Variants in ADAMTS13 observed in about 807,000 individuals in gnomAD.
ADAMTS13 encodes the protein ADAM metallopeptidase with thrombospondin type 1 motif 13, also known as A disintegrin and metalloproteinase with thrombospondin motifs 13.
A neutral mutation model predicts 155.1 loss-of-function variants in ADAMTS13; 110 were observed. The ratio of observed to expected loss-of-function variants is 0.71; its 90% CI spans 0.61 to 0.83. ADAMTS13 has a LOEUF of 0.83. ADAMTS13 is among the 40% of genes least tolerant of loss of function. The pLI is 0.00. For synonymous variants in ADAMTS13, 758 were observed against 756.4 expected, an observed-to-expected ratio of 1.00 and a Z score of -0.03; for missense variants, 1,707 against 1,891.7, an observed-to-expected ratio of 0.90 and a Z score of 1.81.
chr9:133,459,125 C>T lies in ADAMTS13; in HGVS notation c.4061C>T (p.Ser1354Leu). 6.2e-7 allele frequency: 1 copy of T among 1,612,842 alleles called. No individual in the cohort carries two copies. Among genetic ancestry groups the T allele is most frequent in the Non-Finnish European group, 8.5e-7 (1 of 1,179,872 alleles). Residue 1354 changes from serine to leucine, a missense_variant, in exon 29 of 29, where the codon TCA becomes TTA. Coordinates refer to ENST00000355699, the MANE Select transcript of ADAMTS13 (RefSeq NM_139027.6). Reference sequence around the variant, plus strand: ...CGGGGCCAGTACTGGACCCTCCAATCATGGGTACCGGAGATGCAGGACCCT... The same window carrying T: ...CGGGGCCAGTACTGGACCCTCCAATTATGGGTACCGGAGATGCAGGACCCT... Reference protein sequence around the residue: ...SLRGQYWTLQSWVPEMQDPQS... With the variant: ...SLRGQYWTLQLWVPEMQDPQS...
In ADAMTS13 at chr9:133,426,272, A is replaced by T. The variant is rs781874381; in HGVS notation, c.613A>T (p.Thr205Ser). ...VTQLGGACSP[T>S]WSCLITEDTG... ...CCAGCTGGGCGGTGCCTGCTCCCCA[A>T]CCTGGAGCTGCCTCATTACCGAGGA... The change falls in exon 6 of 29, where the codon ACC becomes TCC. Residue 205 changes from threonine (T) to serine (S), a missense_variant. Physicochemically the swap from Thr to Ser is moderately conservative, Grantham distance 58. Transcript: ENST00000355699. The T allele has an allele frequency of 1.2e-6, 2 of 1,611,442 alleles. No homozygotes were observed. Among genetic ancestry groups the T allele is most frequent in the African/African-American group, 1.3e-5 (1 of 74,938 alleles).
At chr9:133,447,911 A>G (rs1842176038) in intron 21 of ADAMTS13, among the ~76,000 whole-genome samples, 2 of 152,194 alleles carry the variant, frequency 1.3e-5, no homozygotes, top group Non-Finnish European at 2.9e-5. Context: ...GGATATTCCT[A>G]AAAGAGAGAC....
rs1478915743 is a variant in ADAMTS13, at chr9:133,445,407, G to C, written c.2611-292G>C. On this transcript the variant is annotated intron_variant, in intron 20 of 28. Transcript: ENST00000355699. This position sits in a 1 kb window ranked among gnomAD's most constrained non-coding sequence, Gnocchi z 5.0. Reference sequence around the variant, plus strand: ...CTGGCAACCCTCGCCCCTCATGGCTGGGGGGATTGCAGGGCCAGGCATGCT... The same window carrying C: ...CTGGCAACCCTCGCCCCTCATGGCTCGGGGGATTGCAGGGCCAGGCATGCT... Among the ~76,000 whole-genome samples, 1 of 152,182 alleles carries C rather than the reference G, an allele frequency of 6.6e-6. No individual in the cohort carries two copies. The highest frequency in any genetic ancestry group is 1.5e-5 in the Non-Finnish European group (1 of 68,004).
At position 133,437,869 on chromosome 9, in the gene ADAMTS13, T is replaced by C; in HGVS notation, c.1556T>C (p.Leu519Pro). The change falls in exon 13 of 29, where the codon CTG becomes CCG. Residue 519 changes from leucine to proline, a missense_variant. Physicochemically the swap from Leu to Pro is moderately conservative, Grantham distance 98. Around this residue, in one of 3 missense-constraint regions of ADAMTS13, gnomAD observed 733 missense variants for 749.6 expected, o/e 0.98. Transcript: ENST00000355699. ...AGTGGCCCCCGGGAGGACGGGACCCTGAGCCTGTGTGTGTCGGGCAGCTGC... is the reference window on the plus strand; with the variant it reads ...AGTGGCCCCCGGGAGGACGGGACCCCGAGCCTGTGTGTGTCGGGCAGCTGC... ...MPSGPREDGT[L>P]SLCVSGSCRT... 6.2e-7 allele frequency: 1 copy of C among 1,613,758 alleles called. No homozygotes were observed. The highest frequency in any genetic ancestry group is 8.5e-7 in the Non-Finnish European group (1 of 1,179,952).
chr9:133,435,191 C>CTT (rs1415886784), intron 11 of ADAMTS13, among the ~76,000 whole-genome samples: 7 of 138,882 alleles, frequency 5.0e-5, no homozygotes, highest in East Asian at 2.1e-4. Flanking sequence ...TTTTTTTTTT[C>CTT]TTTTTTTTTT....
chr9:133,425,889 C>A lies in ADAMTS13; in HGVS notation c.415-49C>A. 6.2e-7 allele frequency: 1 copy of A among 1,610,654 alleles called. No homozygotes were observed. The highest frequency in any genetic ancestry group is 1.1e-5 in the South Asian group (1 of 90,844). ...GAAACAAACCGACCGCAGTCAGCAC[C>A]GTGCCTGGTTGGGGTGTCCTAAATG... On this transcript the variant is annotated intron_variant, in intron 4 of 28. Transcript: ENST00000355699. This position sits in a 1 kb window ranked among gnomAD's most constrained non-coding sequence, Gnocchi z 4.6.
At chr9:133,457,312 G>C (rs1249576083) in intron 27 of ADAMTS13, among the ~76,000 whole-genome samples, 1 of 152,208 alleles carries the variant, frequency 6.6e-6, no homozygotes, top group Non-Finnish European at 1.5e-5. Context: ...CCAGGTGTCT[G>C]GGGCTTAGTG....
At position 133,456,704 on chromosome 9, in the gene ADAMTS13, G is replaced by C; in HGVS notation, c.3709G>C (p.Glu1237Gln). ...GCGGTATGGGAGCCAGCTTGCTCCT[G>C]AAACCTTCTACAGAGGTATGGCCAG... The part of the protein sequence containing the change: ...LLRYGSQLAP[E>Q]TFYRECDMQL... The change falls in exon 27 of 29, where the codon GAA becomes CAA. Residue 1237 changes from glutamate (E) to glutamine (Q), a missense_variant. Physicochemically the swap from Glu to Gln is conservative, Grantham distance 29. This residue lies in a region of ADAMTS13 where 961 missense variants were observed against 1,107.9 expected (regional missense o/e 0.87). Coordinates refer to ENST00000355699, the MANE Select transcript of ADAMTS13 (RefSeq NM_139027.6). The surrounding 1 kb of genome is among the most constrained non-coding windows in gnomAD (Gnocchi z 4.4). 1 of 1,569,754 alleles carries C rather than the reference G, an allele frequency of 6.4e-7. No homozygotes were observed. The highest frequency in any genetic ancestry group is 8.6e-7 in the Non-Finnish European group (1 of 1,156,454).
intron 27 of ADAMTS13, among the ~76,000 whole-genome samples, chr9:133,457,295 G>A (rs371379949): frequency 2.0e-5 from 3 of 152,182 alleles, no homozygotes; most frequent in Non-Finnish European, 4.4e-5. Context: ...GAGGTTCCTC[G>A]GCTCCCCCAG....
In ADAMTS13 at chr9:133,445,060, C is replaced by T; in HGVS notation, c.2610+8C>T. The T allele has an allele frequency of 1.9e-6, 3 of 1,611,764 alleles. No homozygotes were observed. The highest frequency in any genetic ancestry group is 1.7e-5 in the Admixed American group (1 of 59,942). ...CCTCCAGGCTGGGGCCATGTGAGTGCCCTGGGCATGAGGGTGGCTGGGGCT... is the reference window on the plus strand; with the variant it reads ...CCTCCAGGCTGGGGCCATGTGAGTGTCCTGGGCATGAGGGTGGCTGGGGCT... On this transcript the variant is annotated splice_region_variant and intron_variant, in intron 20 of 28. Transcript: ENST00000355699. This position sits in a 1 kb window ranked among gnomAD's most constrained non-coding sequence, Gnocchi z 5.0.
chr9:133,430,002 G>A lies in ADAMTS13; in HGVS notation c.888G>A (p.Pro296=), dbSNP rs372413496. ...CTCAACCCGGGTCCGCGGGGCACCC[G>A]CCGGATGCGCAGCCTGGCCTCTACT... ...PRPQPGSAGH[P]PDAQPGLYYS... is the part of the protein sequence containing the mutation. Residue 296 remains proline (P), a synonymous_variant, in exon 8 of 29, where the codon CCG becomes CCA. Coordinates refer to ENST00000355699, the MANE Select transcript of ADAMTS13 (RefSeq NM_139027.6). The A allele has an allele frequency of 7.5e-5, 118 of 1,569,424 alleles. No homozygotes were observed. Among genetic ancestry groups the A allele is most frequent in the Non-Finnish European group, 9.5e-5 (110 of 1,162,740 alleles).
intron 1 of ADAMTS13, among the ~76,000 whole-genome samples, 167 bp from the exon 2 acceptor site, chr9:133,422,934 C>CTTTTTT (rs71281254): frequency 4.3e-5 from 4 of 93,236 alleles, no homozygotes; most frequent in Admixed American, 1.2e-4. Context: ...CTCTCTCTCT[C>CTTTTTT]TTTTTTTTTT....
At chr9:133,423,545 C>T (rs1554784161) in intron 2 of ADAMTS13, among the ~76,000 whole-genome samples, 1 of 152,198 alleles carries the variant, frequency 6.6e-6, no homozygotes, top group Non-Finnish European at 1.5e-5. Flanking sequence ...CTCAGGCTAC[C>T]TCCTAAGGCC....
chr9:133,424,866 G>C lies in ADAMTS13; in HGVS notation c.330+388G>C, dbSNP rs968436789. Among the ~76,000 whole-genome samples, 4 of 152,218 alleles carry C rather than the reference G, an allele frequency of 2.6e-5. No homozygotes were observed. The highest frequency in any genetic ancestry group is 9.6e-5 in the African/African-American group (4 of 41,452). On this transcript the variant is annotated intron_variant, in intron 3 of 28. Coordinates refer to ENST00000355699, the MANE Select transcript of ADAMTS13 (RefSeq NM_139027.6). This position sits in a 1 kb window ranked among gnomAD's most constrained non-coding sequence, Gnocchi z 4.3. The stretch of plus-strand genomic sequence containing the variant: ...TCTCCATTCTCTTGTCCCCCGCTCA[G>C]AGTGGCGAGGACAGGTCACCCGTCT...
intron 21 of ADAMTS13, among the ~76,000 whole-genome samples, chr9:133,446,977 C>T (rs1842104887): frequency 6.6e-6 from 1 of 152,154 alleles, no homozygotes; most frequent in Admixed American, 6.5e-5. Context: ...CGTGCTTCAG[C>T]CTCCCGAGTA....
At chr9:133,448,829 T>A in intron 22 of ADAMTS13, 101 bp downstream of exon 22, 1 of 1,505,536 alleles carries the variant, frequency 6.6e-7, no homozygotes, top group Non-Finnish European at 8.9e-7. Flanking sequence ...GGGCAGGTGC[T>A]GCTGGCTGTG....
Position 133,440,505 on chromosome 9 carries a change from C to G in ADAMTS13, c.1948C>G (p.Gln650Glu). 5 of 1,607,484 alleles carry G rather than the reference C, an allele frequency of 3.1e-6. No homozygotes were observed. The South Asian group carries it at 5.5e-5, about 18-fold the overall frequency. Residue 650 changes from glutamine to glutamate, a missense_variant, in exon 16 of 29, where the codon CAG becomes GAG. Around this residue, in one of 3 missense-constraint regions of ADAMTS13, gnomAD observed 961 missense variants for 1,107.9 expected, o/e 0.87. Coordinates refer to ENST00000355699, the MANE Select transcript of ADAMTS13 (RefSeq NM_139027.6). The surrounding 1 kb of genome is among the most constrained non-coding windows in gnomAD (Gnocchi z 4.3). ...LEEIRIWGPL[Q>E]EDADIQVYRR... ...GGAGATCCGCATCTGGGGACCCCTC[C>G]AGGAAGATGCTGACATCCAGGTCAG...
intron 6 of ADAMTS13, among the ~76,000 whole-genome samples, chr9:133,427,927 CATGGCAATGGCAAACTGGT>C (rs1334059982): frequency 1.3e-5 from 2 of 152,224 alleles, no homozygotes; most frequent in Non-Finnish European, 2.9e-5. Context: ...TGGGTTTTGC[CATGGCAATGGCAAACTGGT>C]ATGGCACACT....
At chr9:133,415,094 T>TATAC in intron 1 of ADAMTS13, 1 of 906,198 alleles carries the variant, frequency 1.1e-6, no homozygotes, top group Non-Finnish European at 1.7e-6. Flanking sequence ...TGTGTATGTA[T>TATAC]ATACACACAT....
Sources: allele counts gnomAD v4.1 joint callset (sites outside exome capture counted in the v4.1 genomes callset), GRCh38; gene constraint gnomAD v4.1.1; regional missense constraint gnomAD v4.1.1; non-coding constraint Gnocchi (gnomAD v3.1); transcripts MANE v1.5; gene names NCBI Gene and HGNC (gene_info 2026-07-23, HGNC 2026-07-21).